ZNF407: variants seen among roughly 807,000 people sequenced by gnomAD.
The protein encoded by ZNF407 is zinc finger protein 407.
Under a neutral mutation model 131.2 loss-of-function variants are expected in ZNF407, and 17 were observed. The ratio of observed to expected loss-of-function variants is 0.13; its 90% CI spans 0.09 to 0.19. The LOEUF (loss-of-function observed/expected upper bound fraction) is 0.19, where lower values mean the gene tolerates loss of function less well. Among genes scored for constraint, ZNF407 ranks in the 10% least tolerant of loss-of-function variants. The pLI, the probability that ZNF407 is intolerant of heterozygous loss-of-function variation, is 1.00. For missense variants in ZNF407, 2,681 were observed against 2,830.6 expected, an observed-to-expected ratio of 0.95 and a Z score of 1.20; for synonymous variants, 1,156 against 1,062.0, an observed-to-expected ratio of 1.09 and a Z score of -1.72.
In ZNF407 at chr18:75,063,973, C is replaced by G. The variant is rs1320500087; in HGVS notation, c.6252C>G (p.Leu2084=). Residue 2084 remains leucine (L), a synonymous_variant, in exon 9 of 9, where the codon CTC becomes CTG. Coordinates refer to ENST00000299687, the MANE Select transcript of ZNF407 (RefSeq NM_017757.3). The surrounding 1 kb of genome is among the most constrained non-coding windows in gnomAD (Gnocchi z 6.6). ...VAFKKMVQGV[L]QFAVCDTAAA... The stretch of plus-strand genomic sequence containing the variant: ...TCAAGAAGATGGTCCAGGGCGTCCT[C>G]CAGTTTGCTGTGTGTGACACGGCCG... 9.3e-6 allele frequency: 15 copies of G among 1,613,570 alleles called. No homozygotes were observed. The highest frequency in any genetic ancestry group is 1.2e-5 in the Non-Finnish European group (14 of 1,179,814).
At chr18:74,765,769 TCTC>T (rs1969215310) in intron 3 of ZNF407, among the ~76,000 whole-genome samples, 1 of 152,172 alleles carries the variant, frequency 6.6e-6, no homozygotes, top group African/African-American at 2.4e-5. Flanking sequence ...CTCCCTGTGT[TCTC>T]CTAGCTGCAG....
intron 4 of ZNF407, among the ~76,000 whole-genome samples, chr18:74,788,083 T>A (rs1000777122): frequency 6.6e-6 from 1 of 152,198 alleles, no homozygotes; most frequent in Non-Finnish European, 1.5e-5. Flanking sequence ...TGGCCAAAAT[T>A]GTGATCCATC....
chr18:74,892,669 T>A (rs1971401655), intron 7 of ZNF407, among the ~76,000 whole-genome samples: 1 of 152,186 alleles, frequency 6.6e-6, no homozygotes. Context: ...TAGTTAAAAA[T>A]TTATTAAATC....
chr18:75,025,609 A>G (rs938340316), intron 8 of ZNF407, among the ~76,000 whole-genome samples: 3 of 152,188 alleles, frequency 2.0e-5, no homozygotes, highest in Non-Finnish European at 4.4e-5. Flanking sequence ...CCTCTCCCCA[A>G]AAGGCATTAT....
chr18:74,909,929 G>A (rs1266510811), intron 7 of ZNF407, among the ~76,000 whole-genome samples: 4 of 152,134 alleles, frequency 2.6e-5, no homozygotes, highest in Admixed American at 2.6e-4. Flanking sequence ...TTCCAGAAGA[G>A]GAATTTATGT....
Position 75,004,181 on chromosome 18 carries a change from G to A in ZNF407, c.5429-58969G>A, listed in dbSNP as rs549577904. Among the ~76,000 whole-genome samples the A allele has an allele frequency of 5.3e-5, 8 of 152,274 alleles. No homozygotes were observed. In the South Asian group the frequency reaches 1.7e-3, roughly 32 times the overall value. On this transcript the variant is annotated intron_variant, in intron 8 of 8. Coordinates refer to ENST00000299687, the MANE Select transcript of ZNF407 (RefSeq NM_017757.3). ...GTGTGCGCCATGGCCTCTCCGCGGTGCACGTCGTAGCACCGGTGTTAAGTG... is the reference window on the plus strand; with the variant it reads ...GTGTGCGCCATGGCCTCTCCGCGGTACACGTCGTAGCACCGGTGTTAAGTG...
chr18:74,914,730 C>T (rs772766925), intron 7 of ZNF407, among the ~76,000 whole-genome samples: 1 of 152,164 alleles, frequency 6.6e-6, no homozygotes, highest in Non-Finnish European at 1.5e-5. Context: ...CCTGAGTTGA[C>T]ACCCAGGGGT....
chr18:74,895,698 G>C (rs890011922), intron 7 of ZNF407, among the ~76,000 whole-genome samples: 1 of 152,020 alleles, frequency 6.6e-6, no homozygotes, highest in Non-Finnish European at 1.5e-5. Flanking sequence ...CAGTTTTCTT[G>C]TATAAACACT....
At chr18:74,752,643 A>C (rs1449569611) in intron 3 of ZNF407, among the ~76,000 whole-genome samples, 4 of 152,132 alleles carry the variant, frequency 2.6e-5, no homozygotes, top group African/African-American at 9.7e-5. Context: ...TCTTTTCCCC[A>C]TTTCTCGTTT....
intron 3 of ZNF407, among the ~76,000 whole-genome samples, chr18:74,697,586 A>T (rs934658582): frequency 2.6e-5 from 4 of 152,194 alleles, no homozygotes; most frequent in African/African-American, 9.6e-5. Flanking sequence ...TCATAGAGAA[A>T]TCATATAATA....
At chr18:75,004,657 G>A (rs565650733) in intron 8 of ZNF407, among the ~76,000 whole-genome samples, 1 of 152,298 alleles carries the variant, frequency 6.6e-6, no homozygotes, top group African/African-American at 2.4e-5. Context: ...GCTGTTTTCC[G>A]GATTTTCCAG....
Position 74,682,871 on chromosome 18 carries a change from G to A in ZNF407, c.4802+41749G>A, listed in dbSNP as rs138337485. Among the ~76,000 whole-genome samples, 191 of 152,290 alleles carry A rather than the reference G, an allele frequency of 1.3e-3. 1 individual carries two copies. The highest frequency in any genetic ancestry group is 2.4e-3 in the Non-Finnish European group (162 of 68,028). On this transcript the variant is annotated intron_variant, in intron 3 of 8. Transcript: ENST00000299687. ...TTTTCCATCAGGGCGATTGCGCTTT[G>A]TTGTGTGTTGTGTGCATGCTTGTGG...
intron 8 of ZNF407, among the ~76,000 whole-genome samples, chr18:75,056,298 T>C (rs1174939727): frequency 6.6e-6 from 1 of 152,254 alleles, no homozygotes; most frequent in Non-Finnish European, 1.5e-5. Flanking sequence ...GTGTGAATTT[T>C]AGTAACGCTG....
intron 4 of ZNF407, among the ~76,000 whole-genome samples, chr18:74,830,376 C>T (rs1261805323): frequency 2.0e-5 from 3 of 152,194 alleles, no homozygotes; most frequent in Admixed American, 6.5e-5. Context: ...TTGACCTCCC[C>T]GACTCAAGTG....
intron 3 of ZNF407, among the ~76,000 whole-genome samples, chr18:74,654,118 A>G (rs1314027898): frequency 1.3e-5 from 2 of 151,856 alleles, no homozygotes; most frequent in Non-Finnish European, 3.0e-5. Flanking sequence ...TTTCTACTAA[A>G]AAAGAGAAAT....
intron 5 of ZNF407, among the ~76,000 whole-genome samples, chr18:74,879,137 G>A (rs1971202727): frequency 1.3e-5 from 2 of 152,114 alleles, no homozygotes; most frequent in African/African-American, 4.8e-5. Context: ...ATGTAAGTAT[G>A]CAGCATCTAT....
chr18:74,696,856 A>G (rs1440918913), intron 3 of ZNF407, among the ~76,000 whole-genome samples: 1 of 152,204 alleles, frequency 6.6e-6, no homozygotes, highest in Non-Finnish European at 1.5e-5. Flanking sequence ...CTGTGATATT[A>G]CAAGCATCCT....
intron 4 of ZNF407, among the ~76,000 whole-genome samples, chr18:74,847,684 A>C (rs1454789426): frequency 1.8e-4 from 27 of 152,212 alleles, no homozygotes; most frequent in Admixed American, 1.7e-3. Flanking sequence ...AAAGTCGACA[A>C]CATGTGTAGT....
At chr18:74,649,936 T>G (rs976284839) in intron 3 of ZNF407, among the ~76,000 whole-genome samples, 6 of 152,210 alleles carry the variant, frequency 3.9e-5, no homozygotes, top group African/African-American at 1.4e-4. Context: ...GGTGAATCTA[T>G]TATAATTCCT....
Sources: gnomAD v4.1 joint callset for allele counts (sites outside exome capture counted in the v4.1 genomes callset) on GRCh38, gnomAD v4.1.1 for gene constraint, Gnocchi (gnomAD v3.1) non-coding constraint, MANE v1.5 for transcripts, NCBI Gene and HGNC (gene_info 2026-07-23, HGNC 2026-07-21) for gene names.